Variants in CA10 observed in about 807,000 individuals in gnomAD.
CA10 encodes the protein carbonic anhydrase-related protein 10.
A neutral mutation model predicts 44.2 loss-of-function variants in CA10; 14 were observed. That is an observed-to-expected ratio of 0.32 (90% CI 0.21 to 0.50). CA10 has a LOEUF of 0.50. Among genes scored for constraint, CA10 ranks in the 20% least tolerant of loss-of-function variants. CA10 has a pLI of 0.99. For synonymous variants in CA10, 159 were observed against 141.6 expected, an observed-to-expected ratio of 1.12 and a Z score of -0.87; for missense variants, 350 against 409.7, an observed-to-expected ratio of 0.85 and a Z score of 1.26.
intron 1 of CA10, among the ~76,000 whole-genome samples, chr17:52,121,409 GA>G (rs1043077371): frequency 2.0e-5 from 3 of 149,388 alleles, no homozygotes; most frequent in Admixed American, 1.3e-4. Flanking sequence ...GCTTAAAAAA[GA>G]AAAAAAAAGA....
intron 2 of CA10, among the ~76,000 whole-genome samples, chr17:52,010,874 T>C (rs1229718765): frequency 1.3e-5 from 2 of 151,820 alleles, no homozygotes; most frequent in Non-Finnish European, 2.9e-5. Context: ...TATCAGTAGA[T>C]GTATCATTAA....
chr17:51,731,036 A>G (rs9748017), intron 4 of CA10, among the ~76,000 whole-genome samples: 96,087 of 152,000 alleles, frequency 0.63, 30,971 homozygotes, highest in East Asian at 0.73. Flanking sequence ...AGGGAGCTAG[A>G]AAGATTGGCT....
In CA10 at chr17:52,023,184, T is replaced by C. The variant is rs531636749; in HGVS notation, c.136+49135A>G. On this transcript the variant is annotated intron_variant, in intron 2 of 8. Coordinates refer to ENST00000451037, the MANE Select transcript of CA10 (RefSeq NM_020178.5). The stretch of plus-strand genomic sequence containing the variant: ...AAGCAAAAATAAAAGTCAGACTTCA[T>C]CACATTACCCAACTTCAAACTATAT... Among the ~76,000 whole-genome samples, 14 of 152,128 alleles carry C rather than the reference T, an allele frequency of 9.2e-5. No individual in the cohort carries two copies. In the South Asian group the frequency reaches 2.5e-3, roughly 27 times the overall value.
intron 1 of CA10, among the ~76,000 whole-genome samples, chr17:52,084,133 G>GA (rs1409090549): frequency 3.3e-5 from 5 of 152,144 alleles, no homozygotes; most frequent in South Asian, 2.1e-4. Context: ...CTTGCAGCAG[G>GA]AAAAAAACTG....
At chr17:51,822,416 A>AAAAAACAAAACAAAAACAAAAAC (rs1285593049) in intron 3 of CA10, among the ~76,000 whole-genome samples, 1 of 134,632 alleles carries the variant, frequency 7.4e-6, no homozygotes, top group Non-Finnish European at 1.6e-5. Context: ...CTTTGTCTCA[A>AAAAAACAAAACAAAAACAAAAAC]AAAAACAAAA....
intron 2 of CA10, among the ~76,000 whole-genome samples, chr17:51,945,472 TG>T (rs2144023611): frequency 6.6e-6 from 1 of 152,266 alleles, no homozygotes; most frequent in African/African-American, 2.4e-5. Flanking sequence ...GGACTCGTTC[TG>T]GGGTAGGGAC....
intron 2 of CA10, among the ~76,000 whole-genome samples, chr17:52,055,524 G>T (rs80221084): frequency 6.6e-6 from 1 of 152,092 alleles, no homozygotes; most frequent in Non-Finnish European, 1.5e-5. Context: ...AGAACAGCAT[G>T]TTGGAGGCTC....
chr17:51,948,288 C>A (rs1200658499), intron 2 of CA10, among the ~76,000 whole-genome samples: 2 of 152,180 alleles, frequency 1.3e-5, no homozygotes, highest in African/African-American at 4.8e-5. Flanking sequence ...CATAGGAAAT[C>A]TAGAGAGACA....
chr17:52,102,385 G>A (rs1598215493), intron 1 of CA10, among the ~76,000 whole-genome samples: 1 of 152,204 alleles, frequency 6.6e-6, no homozygotes, highest in Non-Finnish European at 1.5e-5. Context: ...AAACTAAAAT[G>A]GAGACCAGGC....
chr17:51,848,347 C>T (rs1010724802), intron 3 of CA10, among the ~76,000 whole-genome samples: 1 of 152,116 alleles, frequency 6.6e-6, no homozygotes, highest in East Asian at 1.9e-4. Flanking sequence ...GTGCCTCACT[C>T]CTCTCACACT....
intron 1 of CA10, among the ~76,000 whole-genome samples, chr17:52,123,325 ATATG>A: frequency 6.6e-6 from 1 of 150,588 alleles, no homozygotes. Flanking sequence ...GATTACATAT[ATATG>A]TGTGTGTGTG....
intron 4 of CA10, among the ~76,000 whole-genome samples, chr17:51,706,932 A>G (rs1309516354): frequency 6.6e-6 from 1 of 152,080 alleles, no homozygotes; most frequent in African/African-American, 2.4e-5. Context: ...TTAACACTGC[A>G]ATCCCCACCC....
chr17:51,825,134 A>G (rs1388339833), intron 3 of CA10, among the ~76,000 whole-genome samples: 1 of 152,266 alleles, frequency 6.6e-6, no homozygotes, highest in Admixed American at 6.5e-5. Context: ...AGCCATGTCA[A>G]AACAATGCTT....
At chr17:51,779,476 G>A (rs1955013649) in intron 3 of CA10, among the ~76,000 whole-genome samples, 1 of 152,190 alleles carries the variant, frequency 6.6e-6, no homozygotes. Flanking sequence ...GGGAAAATAT[G>A]CAGGTGTGCA....
chr17:51,666,085 A>C (rs925993452), intron 4 of CA10, among the ~76,000 whole-genome samples: 1 of 152,260 alleles, frequency 6.6e-6, no homozygotes, highest in Admixed American at 6.5e-5. Context: ...AAATCCAAAC[A>C]AAACAAAATA....
chr17:51,662,856 T>C (rs1914057270), intron 4 of CA10, among the ~76,000 whole-genome samples: 1 of 152,216 alleles, frequency 6.6e-6, no homozygotes, highest in Non-Finnish European at 1.5e-5. Context: ...AATGTAATTA[T>C]TTTCCCCCAA....
chr17:51,880,432 A>C (rs1244069618), intron 3 of CA10, among the ~76,000 whole-genome samples: 1 of 152,066 alleles, frequency 6.6e-6, no homozygotes, highest in Non-Finnish European at 1.5e-5. Flanking sequence ...CAGCCTAACA[A>C]GTAGATGGGA....
chr17:51,997,624 T>C (rs1028813301), intron 2 of CA10, among the ~76,000 whole-genome samples: 1 of 152,034 alleles, frequency 6.6e-6, no homozygotes, highest in South Asian at 2.1e-4. Context: ...CTCCAGGGGA[T>C]GGAAAACTCA....
At chr17:51,907,051 G>A (rs768745101) in intron 3 of CA10, among the ~76,000 whole-genome samples, 2 of 152,108 alleles carry the variant, frequency 1.3e-5, no homozygotes, top group Non-Finnish European at 2.9e-5. Flanking sequence ...TCTATTGAAA[G>A]CTTTCTAGTG....
Sources: gnomAD v4.1 joint callset for allele counts (sites outside exome capture counted in the v4.1 genomes callset) on GRCh38, gnomAD v4.1.1 for gene constraint, MANE v1.5 for transcripts, NCBI Gene and HGNC (gene_info 2026-07-23, HGNC 2026-07-21) for gene names.